Variants in VPS45 observed in about 807,000 individuals in gnomAD.
VPS45 encodes vacuolar protein sorting 45 homolog.
VPS45 carries 35 observed loss-of-function variants against 75.9 expected under a neutral mutation model. The ratio of observed to expected loss-of-function variants is 0.46; its 90% CI spans 0.35 to 0.61. The LOEUF is 0.61. Among genes scored for constraint, VPS45 ranks in the 20% least tolerant of loss-of-function variants. The probability of loss-of-function intolerance (pLI) is 0.00; values close to 1 mark genes in which losing one functional copy is unlikely to be tolerated. For synonymous variants in VPS45, 220 were observed against 238.2 expected, an observed-to-expected ratio of 0.92 and a Z score of 0.70; for missense variants, 559 against 685.9, an observed-to-expected ratio of 0.81 and a Z score of 2.07.
At chr1:150,089,877 G>A (rs1299855681) in intron 10 of VPS45, among the ~76,000 whole-genome samples, 1 of 152,176 alleles carries the variant, frequency 6.6e-6, no homozygotes, top group Non-Finnish European at 1.5e-5. Flanking sequence ...ATCTACAGAA[G>A]AGAAGTTTCT....
chr1:150,075,762 A>C (rs1655337860), intron 3 of VPS45, among the ~76,000 whole-genome samples: 1 of 151,968 alleles, frequency 6.6e-6, no homozygotes, highest in South Asian at 2.1e-4. Context: ...TCATTCTCCA[A>C]TTCCTCCGAT....
At chr1:150,100,270 T>C (rs1410264543) in intron 13 of VPS45, among the ~76,000 whole-genome samples, 1 of 152,120 alleles carries the variant, frequency 6.6e-6, no homozygotes, top group Non-Finnish European at 1.5e-5. Context: ...GGAATACAGC[T>C]AACCAGGAAG....
chr1:150,074,830 A>C (rs587665070), intron 3 of VPS45, among the ~76,000 whole-genome samples: 1 of 152,314 alleles, frequency 6.6e-6, no homozygotes, highest in South Asian at 2.1e-4. Context: ...AAGCAAATCT[A>C]AGACATTATA....
At chr1:150,129,077 A>G (rs1435537242) in intron 14 of VPS45, among the ~76,000 whole-genome samples, 16 of 152,180 alleles carry the variant, frequency 1.1e-4, no homozygotes, top group Admixed American at 9.8e-4. Context: ...ATTAGACATC[A>G]TTGCAAGAGT....
At chr1:150,134,966 A>C (rs1222578676) in intron 14 of VPS45, among the ~76,000 whole-genome samples, 1 of 152,196 alleles carries the variant, frequency 6.6e-6, no homozygotes, top group Non-Finnish European at 1.5e-5. Flanking sequence ...TCAAGGCAGG[A>C]ACTAAAACGC....
At chr1:150,081,217 A>C in intron 7 of VPS45, 125 bp from the exon 8 acceptor site, 1 of 954,610 alleles carries the variant, frequency 1.0e-6, no homozygotes. Context: ...AATAAAATTT[A>C]ACTCGAGAAT....
In VPS45 at chr1:150,139,148, T is replaced by C. The variant is rs587740967; in HGVS notation, c.1626-5561T>C. 5.1e-4 allele frequency among the ~76,000 whole-genome samples: 78 copies of C among 152,280 alleles called. 1 individual carries two copies. Among genetic ancestry groups the C allele is most frequent in the East Asian group, 2.9e-3 (15 of 5,182 alleles). On this transcript the variant is annotated intron_variant, in intron 14 of 14. Coordinates refer to ENST00000644510, the MANE Select transcript of VPS45 (RefSeq NM_007259.5). ...TCTTGTGAAAATGTGTCATTCAGGG[T>C]ATGTCACATCTTTTTGCAGAACCCT... is the stretch of plus-strand genomic sequence containing the variant.
chr1:150,112,506 CAGAAATATTACAGTG>C (rs1559929602), intron 14 of VPS45, among the ~76,000 whole-genome samples: 2 of 152,144 alleles, frequency 1.3e-5, no homozygotes, highest in Non-Finnish European at 2.9e-5. Flanking sequence ...ATAACTTCTA[CAGAAATATTACAGTG>C]AGAAATATTA....
chr1:150,094,492 A>AT (rs1656515141), intron 13 of VPS45, among the ~76,000 whole-genome samples: 1 of 151,872 alleles, frequency 6.6e-6, no homozygotes, highest in African/African-American at 2.4e-5. Context: ...GATAAAGTGT[A>AT]TTTTTTCACT....
intron 9 of VPS45, among the ~76,000 whole-genome samples, chr1:150,082,456 G>A (rs1655768723): frequency 6.6e-6 from 1 of 151,046 alleles, no homozygotes; most frequent in African/African-American, 2.4e-5. Flanking sequence ...GGAGGTTGCA[G>A]TGAGCCAAGA....
intron 2 of VPS45, among the ~76,000 whole-genome samples, chr1:150,069,487 C>T (rs1458857460): frequency 1.7e-5 from 2 of 118,510 alleles, no homozygotes; most frequent in African/African-American, 3.3e-5. Flanking sequence ...GATGGAGTCT[C>T]GCTCTGTCGC....
chr1:150,127,152 T>A (rs1658561067), intron 14 of VPS45, among the ~76,000 whole-genome samples: 1 of 152,192 alleles, frequency 6.6e-6, no homozygotes, highest in Non-Finnish European at 1.5e-5. Context: ...TTAAGTTGAT[T>A]ACATGCTGAA....
chr1:150,110,385 T>C (rs1290592099), intron 13 of VPS45, 111 bp from the exon 14 acceptor site: 1 of 1,063,140 alleles, frequency 9.4e-7, no homozygotes, highest in African/African-American at 2.3e-5. Flanking sequence ...CTGCTTTAAT[T>C]CTGCTTCCTC....
chr1:150,076,085 A>AT, intron 3 of VPS45, 148 bp from the exon 4 acceptor site: 1 of 198,182 alleles, frequency 5.0e-6, no homozygotes. Flanking sequence ...TATATATATA[A>AT]AATTATGAAT....
At position 150,067,900 on chromosome 1, in the gene VPS45, A is replaced by G. The variant is rs1488829785; in HGVS notation, c.43A>G (p.Ile15Val). ...FAVKQYISKMIEDSGPGMKVL... is the reference protein window; with the variant it reads ...FAVKQYISKMVEDSGPGMKVL... ...TGTGAAGCAGTACATTTCCAAAATG[A>G]TAGAGGACAGCGGGCCTGGTATGAA... is the stretch of plus-strand genomic sequence containing the variant. Residue 15 changes from isoleucine to valine, a missense_variant, in exon 1 of 15, where the codon ATA (isoleucine) becomes GTA (valine). By Grantham distance (29) the Ile-to-Val change is conservative. Transcript: ENST00000644510. The G allele has an allele frequency of 1.9e-6, 3 of 1,614,114 alleles. No homozygotes were observed. Among genetic ancestry groups the G allele is most frequent in the Admixed American group, 1.7e-5 (1 of 60,006 alleles).
chr1:150,141,543 C>T (rs1659391543), intron 14 of VPS45, among the ~76,000 whole-genome samples: 1 of 152,152 alleles, frequency 6.6e-6, no homozygotes, highest in South Asian at 2.1e-4. Flanking sequence ...AGTGGAGAAG[C>T]TTGCTTTTCA....
rs143289825 is a variant in VPS45, at chr1:150,069,001, A to G, written c.228+237A>G. The G allele has an allele frequency of 1.8e-3, 835 of 475,208 alleles. 4 individuals are homozygous for G. Among genetic ancestry groups the G allele is most frequent in the African/African-American group, 0.015 (758 of 50,292 alleles). The allele number at this position is 475,208 out of a possible 1,614,324, so 29.4% of individuals were successfully genotyped here. ...GTTCACAGCCATTCCCATTGCCACT[A>G]ATGAACTACTCTTAACGGAGACCCA... On this transcript the variant is annotated intron_variant, in intron 2 of 14. Coordinates refer to ENST00000644510, the MANE Select transcript of VPS45 (RefSeq NM_007259.5).
At chr1:150,087,377 G>A (rs1028636982) in intron 10 of VPS45, among the ~76,000 whole-genome samples, 2 of 152,174 alleles carry the variant, frequency 1.3e-5, no homozygotes, top group African/African-American at 4.8e-5. Context: ...TTGTTATAAT[G>A]TGACAGTGTT....
At position 150,110,530 on chromosome 1, in the gene VPS45, G is replaced by A. The variant is rs1553806983; in HGVS notation, c.1528G>A (p.Ala510Thr). 5.0e-6 allele frequency: 8 copies of A among 1,613,518 alleles called. No homozygotes were observed. The Admixed American group carries it at 1.0e-4, about 20-fold the overall frequency. Reference protein sequence around the residue: ...QDIIVFVIGGATYEEALTVYN... With the variant: ...QDIIVFVIGGTTYEEALTVYN... ...TATCATTGTGTTTGTAATTGGAGGA[G>A]CCACCTATGAAGAGGCTCTAACAGT... is the stretch of plus-strand genomic sequence containing the variant. Residue 510 changes from alanine (A) to threonine (T), a missense_variant, in exon 14 of 15, where the codon GCC (alanine) becomes ACC (threonine). By Grantham distance (58) the Ala-to-Thr change is moderately conservative. Transcript: ENST00000644510.
Sources: allele counts gnomAD v4.1 joint callset (sites outside exome capture counted in the v4.1 genomes callset), GRCh38; gene constraint gnomAD v4.1.1; transcripts MANE v1.5; gene names NCBI Gene and HGNC (gene_info 2026-07-23, HGNC 2026-07-21).